Variants in ZNF264 observed in about 807,000 individuals in gnomAD.
ZNF264 encodes the protein zinc finger protein 264.
In ZNF264, 11 loss-of-function variants were observed where a neutral mutation model predicts 11.2. The ratio of observed to expected loss-of-function variants is 0.98; its 90% CI spans 0.62 to 1.63. The LOEUF is 1.63. ZNF264 is among the 40% of genes most tolerant of loss of function. ZNF264 has a pLI of 0.00. For missense variants in ZNF264, 752 were observed against 768.1 expected (o/e 0.98, Z 0.25); for synonymous variants, 309 against 279.8 (o/e 1.10, Z -1.04).
intron 2 of ZNF264, among the ~76,000 whole-genome samples, chr19:57,204,852 G>C (rs776857543): frequency 9.2e-5 from 14 of 152,124 alleles, no homozygotes; most frequent in Non-Finnish European, 2.1e-4. Context: ...GGAGCTTTGT[G>C]GTTAAACAGC....
intron 2 of ZNF264, among the ~76,000 whole-genome samples, chr19:57,200,950 A>G (rs1256692748): frequency 6.6e-6 from 1 of 151,890 alleles, no homozygotes; most frequent in African/African-American, 2.4e-5. Context: ...TACATTTGTT[A>G]TATATGTGCT....
In ZNF264 at chr19:57,222,710, A is replaced by G. The variant is rs530641149; in HGVS notation, c.*9729A>G. On this transcript the variant is annotated 3_prime_UTR_variant, in exon 4 of 4. Transcript: ENST00000263095. ...GTGTATTTCTATAGTATATATGTAA[A>G]CAATTTGTCATCCTTTTGTTGCTGC... 2.6e-5 allele frequency: 4 copies of G among 152,332 alleles called. No individual in the cohort carries two copies. The highest frequency in any genetic ancestry group is 9.6e-5 in the African/African-American group (4 of 41,560). 9.4% of individuals were successfully genotyped at this position (152,332 alleles called of 1,614,324 possible).
Position 57,211,988 on chromosome 19 carries a change from C to G in ZNF264, c.891C>G (p.Thr297=). 2 of 1,613,946 alleles carry G rather than the reference C, an allele frequency of 1.2e-6. No homozygotes were observed. Among genetic ancestry groups the G allele is most frequent in the Non-Finnish European group, 1.7e-6 (2 of 1,179,986 alleles). Residue 297 remains threonine, a synonymous_variant, in exon 4 of 4, where the codon ACC becomes ACG. Coordinates refer to ENST00000263095, the MANE Select transcript of ZNF264 (RefSeq NM_003417.5). ...YKCNECGKAF[T]HRSNFVLHNR... is the part of the protein sequence containing the mutation. ...GCAATGAATGCGGAAAGGCCTTCAC[C>G]CACCGCTCCAATTTTGTCTTGCATA...
At chr19:57,192,707 G>T (rs2087183419) in intron 1 of ZNF264, 2 of 349,596 alleles carry the variant, frequency 5.7e-6, no homozygotes, top group African/African-American at 4.6e-5. Context: ...AGTGAGGAAT[G>T]CTGAGCTTTT....
At position 57,205,450 on chromosome 19, in the gene ZNF264, C is replaced by T. The variant is rs1198523950; in HGVS notation, c.214C>T (p.Pro72Ser). The change falls in exon 3 of 4, where the codon CCA becomes TCA. Residue 72 changes from proline (P) to serine (S), a missense_variant. Physicochemically the swap from Pro to Ser is moderately conservative, Grantham distance 74. Transcript: ENST00000263095. ...CTGCCACCTAGAGCATGGGCAGGAG[C>T]CATGGACCAGGAAGGAAGACCTCTC... is the stretch of plus-strand genomic sequence containing the variant. ...LICHLEHGQE[P>S]WTRKEDLSQD... The T allele has an allele frequency of 6.2e-7, 1 of 1,612,440 alleles. No individual in the cohort carries two copies. The highest frequency in any genetic ancestry group is 8.5e-7 in the Non-Finnish European group (1 of 1,179,366).
chr19:57,191,968 G>A, intron 1 of ZNF264, 22 bp downstream of exon 1: 1 of 1,528,500 alleles, frequency 6.5e-7, no homozygotes, highest in African/African-American at 1.4e-5. Context: ...GTGGCTTCGC[G>A]GTTGCCGCTT....
At chr19:57,199,203 A>G (rs1373652541) in intron 2 of ZNF264, among the ~76,000 whole-genome samples, 5 of 151,962 alleles carry the variant, frequency 3.3e-5, no homozygotes, top group Non-Finnish European at 7.3e-5. Context: ...GGATCCAATT[A>G]TTCCCAATGT....
In ZNF264 at chr19:57,218,960, G is replaced by A. The variant is rs1399941073; in HGVS notation, c.*5979G>A. The A allele has an allele frequency of 1.3e-5, 2 of 152,110 alleles. No homozygotes were observed. The highest frequency in any genetic ancestry group is 2.4e-5 in the African/African-American group (1 of 41,394). 9.4% of individuals were successfully genotyped at this position (152,110 alleles called of 1,614,324 possible). Reference sequence around the variant, plus strand: ...TTGAATAGAAATGTTAAACTATCTGGGGGAATAGAAAGCCCACAGTCTTCT... The same window carrying A: ...TTGAATAGAAATGTTAAACTATCTGAGGGAATAGAAAGCCCACAGTCTTCT... On this transcript the variant is annotated 3_prime_UTR_variant, in exon 4 of 4. Transcript: ENST00000263095.
chr19:57,192,894 A>G (rs8107613), intron 1 of ZNF264, among the ~76,000 whole-genome samples: 81,372 of 151,266 alleles, frequency 0.54, 23,811 homozygotes, highest in African/African-American at 0.78. Context: ...ACCACACCTG[A>G]CTGATTTTTG....
At chr19:57,210,091 C>G (rs912900516) in intron 3 of ZNF264, among the ~76,000 whole-genome samples, 3 of 152,180 alleles carry the variant, frequency 2.0e-5, no homozygotes, top group African/African-American at 2.4e-5. Context: ...TCATGGGAAT[C>G]AGCCTCCCCT....
At chr19:57,196,426 A>C (rs866691731) in intron 2 of ZNF264, among the ~76,000 whole-genome samples, 1 of 151,950 alleles carries the variant, frequency 6.6e-6, no homozygotes, top group Non-Finnish European at 1.5e-5. Context: ...ACCTGCCGCC[A>C]GGTAGCTGGC....
rs1381153709 is a variant in ZNF264 at position 57,216,566 on chromosome 19, A to T, written c.*3585A>T. The T allele has an allele frequency of 6.6e-6, 1 of 152,182 alleles. No homozygotes were observed. Among genetic ancestry groups the T allele is most frequent in the Non-Finnish European group, 1.5e-5 (1 of 68,022 alleles). The allele number at this position is 152,182 out of a possible 1,614,324, so 9.4% of individuals were successfully genotyped here. ...TCAATACTTTACCTGATGTTCTCAT[A>T]GTGACTCCTGCATATTTTGATTAAT... On this transcript the variant is annotated 3_prime_UTR_variant, in exon 4 of 4. Transcript: ENST00000263095.
At chr19:57,194,866 A>G in intron 2 of ZNF264, 1 of 400,150 alleles carries the variant, frequency 2.5e-6, no homozygotes, top group South Asian at 1.3e-4. Flanking sequence ...AGCATTGAAT[A>G]CTTTCTCTTT....
intron 2 of ZNF264, among the ~76,000 whole-genome samples, chr19:57,199,211 T>A (rs2087233740): frequency 6.6e-6 from 1 of 151,988 alleles, no homozygotes; most frequent in South Asian, 2.1e-4. Flanking sequence ...TTATTCCCAA[T>A]GTATTAAATT....
At chr19:57,191,983 G>C in intron 1 of ZNF264, 37 bp downstream of exon 1, 1 of 1,511,480 alleles carries the variant, frequency 6.6e-7, no homozygotes, top group Non-Finnish European at 8.9e-7. Context: ...CCGCTTCCTT[G>C]CCAGCGCTGA....
chr19:57,205,972 C>T (rs2087289121), intron 3 of ZNF264, among the ~76,000 whole-genome samples: 1 of 152,200 alleles, frequency 6.6e-6, no homozygotes, highest in Non-Finnish European at 1.5e-5. Flanking sequence ...CACAGTTATT[C>T]AGGACCCAGG....
intron 2 of ZNF264, among the ~76,000 whole-genome samples, chr19:57,200,655 C>T (rs1312943118): frequency 6.6e-6 from 1 of 151,574 alleles, no homozygotes; most frequent in Non-Finnish European, 1.5e-5. Flanking sequence ...TGCTGTCTTG[C>T]CCAGGTTGGA....
chr19:57,221,042 C>T lies in ZNF264; in HGVS notation c.*8061C>T, dbSNP rs1433524993. On this transcript the variant is annotated 3_prime_UTR_variant, in exon 4 of 4. Coordinates refer to ENST00000263095, the MANE Select transcript of ZNF264 (RefSeq NM_003417.5). ...ATACCTTGACCTCAAAGATAATCTA[C>T]CTGGGCTTTTTTTGTTTGTTTGTTT... 6.6e-6 allele frequency: 1 copy of T among 152,256 alleles called. No individual in the cohort carries two copies. The highest frequency in any genetic ancestry group is 1.9e-4 in the East Asian group (1 of 5,180). The allele number at this position is 152,256 out of a possible 1,614,324, so 9.4% of individuals were successfully genotyped here. A position where few individuals can be genotyped will look rare whatever the true frequency, so the allele number is the denominator to read the frequency against.
chr19:57,211,067 T>C (rs892191897), intron 3 of ZNF264, among the ~76,000 whole-genome samples: 4 of 152,144 alleles, frequency 2.6e-5, no homozygotes, highest in Admixed American at 2.6e-4. Context: ...CCATGCACGG[T>C]GTCGTCGTTA....
Sources: allele counts gnomAD v4.1 joint callset (sites outside exome capture counted in the v4.1 genomes callset), GRCh38; gene constraint gnomAD v4.1.1; transcripts MANE v1.5; gene names NCBI Gene and HGNC (gene_info 2026-07-23, HGNC 2026-07-21).